Variants in KCNQ2 observed in about 807,000 individuals in gnomAD.
KCNQ2 encodes potassium voltage-gated channel subfamily KQT member 2.
Under a neutral mutation model 84.8 loss-of-function variants are expected in KCNQ2, and 14 were observed. The ratio of observed to expected loss-of-function variants is 0.17; its 90% confidence interval spans 0.11 to 0.26. The LOEUF (loss-of-function observed/expected upper bound fraction) is 0.26, where lower values mean the gene tolerates loss of function less well. Among genes scored for constraint, KCNQ2 ranks in the 10% least tolerant of loss-of-function variants. The pLI is 1.00. For synonymous variants in KCNQ2, 599 were observed against 554.1 expected, an observed-to-expected ratio of 1.08 and a Z score of -1.14; for missense variants, 788 against 1,254.0, an observed-to-expected ratio of 0.63 and a Z score of 5.61.
rs1334249600 is a variant in KCNQ2 at position 63,460,281 on chromosome 20, G to A, written c.296+11887C>T. Among the ~76,000 whole-genome samples, 2 of 152,164 alleles carry A rather than the reference G, an allele frequency of 1.3e-5. No homozygotes were observed. Among genetic ancestry groups the A allele is most frequent in the Admixed American group, 6.5e-5 (1 of 15,284 alleles). On this transcript the variant is annotated intron_variant, in intron 1 of 16. Transcript: ENST00000359125. The surrounding 1 kb of genome is among the most constrained non-coding windows in gnomAD (Gnocchi z 5.4). The stretch of plus-strand genomic sequence containing the variant: ...AAAGGCTTCATGAGGTCCCAGGGGA[G>A]CTGGGGTGGAGAGGGGCTCCCCCCA...
intron 11 of KCNQ2, among the ~76,000 whole-genome samples, chr20:63,422,949 C>G (rs1601600557): frequency 6.6e-6 from 1 of 152,160 alleles, no homozygotes; most frequent in East Asian, 1.9e-4. Context: ...CAAATCACAG[C>G]CAAGGGTGCC....
At chr20:63,435,750 G>A (rs894355781) in intron 7 of KCNQ2, among the ~76,000 whole-genome samples, 17 of 152,238 alleles carry the variant, frequency 1.1e-4, no homozygotes, top group Non-Finnish European at 2.2e-4. Flanking sequence ...ATCTCAACCA[G>A]TGAACGGCTG....
chr20:63,438,399 A>T lies in KCNQ2; in HGVS notation c.1023+226T>A. On this transcript the variant is annotated intron_variant, in intron 7 of 16. Coordinates refer to ENST00000359125, the MANE Select transcript of KCNQ2 (RefSeq NM_172107.4). This position sits in a 1 kb window ranked among gnomAD's most constrained non-coding sequence, Gnocchi z 5.1. ...CCAGCACCCACACAAGGCAAGGGCCACCCCAGCGTCCTCACACGAGCCACC... is the reference window on the plus strand; with the variant it reads ...CCAGCACCCACACAAGGCAAGGGCCTCCCCAGCGTCCTCACACGAGCCACC... The T allele has an allele frequency of 1.6e-6, 1 of 608,296 alleles. No homozygotes were observed. The highest frequency in any genetic ancestry group is 3.0e-6 in the Non-Finnish European group (1 of 336,590). The allele number at this position is 608,296 out of a possible 1,614,324, so 37.7% of individuals were successfully genotyped here.
chr20:63,407,998 G>C lies in KCNQ2; in HGVS notation c.1887+415C>G. The C allele has an allele frequency of 3.7e-6, 1 of 270,448 alleles. No individual in the cohort carries two copies. Among genetic ancestry groups the C allele is most frequent in the Non-Finnish European group, 7.3e-6 (1 of 136,684 alleles). 16.8% of individuals were successfully genotyped at this position (270,448 alleles called of 1,614,324 possible). ...TGCTCAGGCCCGGCTCTCAGAAGCA[G>C]GCCCCAAAACAAGGGTCCTCTGCGG... is the stretch of plus-strand genomic sequence containing the variant. On this transcript the variant is annotated intron_variant, in intron 16 of 16. Coordinates refer to ENST00000359125, the MANE Select transcript of KCNQ2 (RefSeq NM_172107.4). The surrounding 1 kb of genome is among the most constrained non-coding windows in gnomAD (Gnocchi z 7.2).
intron 1 of KCNQ2, among the ~76,000 whole-genome samples, chr20:63,458,800 T>C (rs6062453): frequency 0.21 from 32,175 of 152,252 alleles, 4,115 homozygotes; most frequent in Middle Eastern, 0.32. Context: ...GGCTGGCAGC[T>C]AGGCCTGGGG....
In KCNQ2 at chr20:63,414,049, C is replaced by T; in HGVS notation, c.1631+39G>A. 2.0e-6 allele frequency: 3 copies of T among 1,506,628 alleles called. No homozygotes were observed. The highest frequency in any genetic ancestry group is 2.8e-6 in the Non-Finnish European group (3 of 1,083,086). 93.3% of individuals were successfully genotyped at this position (1,506,628 alleles called of 1,614,324 possible). A position where few individuals can be genotyped will look rare whatever the true frequency, so the allele number is the denominator to read the frequency against. ...CAGGACCACCGAGCGGGAGGCCCCT[C>T]CTCACTCCCCCAGGCTCCCGGCTGG... On this transcript the variant is annotated intron_variant, in intron 14 of 16. Transcript: ENST00000359125. This position sits in a 1 kb window ranked among gnomAD's most constrained non-coding sequence, Gnocchi z 6.6.
intron 4 of KCNQ2, among the ~76,000 whole-genome samples, chr20:63,443,126 CCACCACCATCAT>C (rs2081279426): frequency 5.0e-5 from 5 of 99,066 alleles, no homozygotes; most frequent in Non-Finnish European, 1.1e-4. Context: ...ACTATCACCA[CCACCACCATCAT>C]CACCACCACC....
chr20:63,455,584 G>A (rs2081759142), intron 1 of KCNQ2, among the ~76,000 whole-genome samples: 1 of 152,164 alleles, frequency 6.6e-6, no homozygotes. Flanking sequence ...GCAAAGAGGA[G>A]AAGTTGGGGC....
chr20:63,419,022 G>A (rs867253499), intron 12 of KCNQ2, among the ~76,000 whole-genome samples: 1 of 152,192 alleles, frequency 6.6e-6, no homozygotes, highest in African/African-American at 2.4e-5. Context: ...AGCAGACAGG[G>A]GACGCGGGGA....
At chr20:63,455,436 A>T (rs1413871025) in intron 1 of KCNQ2, among the ~76,000 whole-genome samples, 2 of 152,074 alleles carry the variant, frequency 1.3e-5, no homozygotes, top group Non-Finnish European at 2.9e-5. Flanking sequence ...CACGTCCCTG[A>T]CGCACAGCCC....
chr20:63,452,055 C>A (rs1354627725), intron 1 of KCNQ2, among the ~76,000 whole-genome samples: 1 of 152,266 alleles, frequency 6.6e-6, no homozygotes, highest in Non-Finnish European at 1.5e-5. Flanking sequence ...CCACCAACTG[C>A]CCATTCCAGC....
At chr20:63,466,099 C>T (rs1030029880) in intron 1 of KCNQ2, among the ~76,000 whole-genome samples, 2 of 152,184 alleles carry the variant, frequency 1.3e-5, no homozygotes, top group South Asian at 4.1e-4. Context: ...AGCCTCAACC[C>T]TCAGGATGCT....
rs1281329899 is a variant in KCNQ2, at chr20:63,405,312, G to A, written c.*1332C>T. The A allele has an allele frequency of 6.6e-6, 1 of 152,354 alleles. No homozygotes were observed. Among genetic ancestry groups the A allele is most frequent in the African/African-American group, 2.4e-5 (1 of 41,460 alleles). The allele number at this position is 152,354 out of a possible 1,614,324, so 9.4% of individuals were successfully genotyped here. ...CACGCCAAATGCCAGATGCTCCCGG[G>A]GTCTGGTTCTTAAGTCTGGAGCTAG... On this transcript the variant is annotated 3_prime_UTR_variant, in exon 17 of 17. Coordinates refer to ENST00000359125, the MANE Select transcript of KCNQ2 (RefSeq NM_172107.4).
chr20:63,444,582 C>G, intron 4 of KCNQ2, 77 bp downstream of exon 4: 5 of 1,299,044 alleles, frequency 3.8e-6, no homozygotes, highest in Non-Finnish European at 5.1e-6. Context: ...AAACCCCAGG[C>G]AGGGGTGGGG....
At chr20:63,426,648 C>A (rs535407472) in intron 10 of KCNQ2, among the ~76,000 whole-genome samples, 29 of 152,276 alleles carry the variant, frequency 1.9e-4, no homozygotes, top group Non-Finnish European at 3.8e-4. Flanking sequence ...GGCTAAATAT[C>A]CCAGTTCATC....
rs2080438927 is a variant in KCNQ2, at chr20:63,420,616, A to G, written c.1248-944T>C. 3.3e-5 allele frequency among the ~76,000 whole-genome samples: 5 copies of G among 152,224 alleles called. 2 individuals carry two copies. In the South Asian group the frequency reaches 1.0e-3, roughly 32 times the overall value. On this transcript the variant is annotated intron_variant, in intron 11 of 16. Transcript: ENST00000359125. Reference sequence around the variant, plus strand: ...TCTTCCTGCGCACACGTGTGTTTAGACACCGATGTCCCTGCACGCACCCGC... The same window carrying G: ...TCTTCCTGCGCACACGTGTGTTTAGGCACCGATGTCCCTGCACGCACCCGC...
chr20:63,410,901 G>A (rs771253236), intron 15 of KCNQ2: 42 of 407,032 alleles, frequency 1.0e-4, no homozygotes, highest in Non-Finnish European at 1.8e-4. Flanking sequence ...TCCGCCCCAG[G>A]GGCTCTACCC....
chr20:63,462,925 C>T (rs149711271), intron 1 of KCNQ2, among the ~76,000 whole-genome samples: 13 of 152,252 alleles, frequency 8.5e-5, no homozygotes, highest in Admixed American at 6.5e-4. Context: ...TACCGTGGCA[C>T]GCATGCAGAG....
chr20:63,453,308 AGCTCCCG>A (rs2145827194), intron 1 of KCNQ2, among the ~76,000 whole-genome samples: 1 of 152,344 alleles, frequency 6.6e-6, no homozygotes, highest in African/African-American at 2.4e-5. Flanking sequence ...AGGACCCCGA[AGCTCCCG>A]GCTCCAGGCA....
Sources: gnomAD v4.1 joint callset for allele counts (sites outside exome capture counted in the v4.1 genomes callset) on GRCh38, gnomAD v4.1.1 for gene constraint, Gnocchi (gnomAD v3.1) non-coding constraint, MANE v1.5 for transcripts, NCBI Gene and HGNC (gene_info 2026-07-23, HGNC 2026-07-21) for gene names.